Variants in PCDHA10 observed in about 807,000 individuals in gnomAD.
PCDHA10 encodes the protein protocadherin alpha 10, also known as protocadherin alpha-10.
PCDHA10 carries 45 observed loss-of-function variants against 61.2 expected under a neutral mutation model. The ratio of observed to expected loss-of-function variants is 0.74; its 90% CI spans 0.58 to 0.94. The LOEUF (loss-of-function observed/expected upper bound fraction) is 0.94. Ranked by LOEUF, PCDHA10 falls within the 40% of genes least tolerant of loss-of-function variation. The probability of loss-of-function intolerance (pLI) is 0.00; values close to 1 mark genes in which losing one functional copy is unlikely to be tolerated. For missense variants in PCDHA10, 1,278 were observed against 1,236.2 expected (o/e 1.03, Z -0.51); for synonymous variants, 602 against 548.8 (o/e 1.10, Z -1.35).
In PCDHA10 at chr5:141,010,436, G is replaced by C; in HGVS notation, c.*499G>C. 2 of 1,038,344 alleles carry C rather than the reference G, an allele frequency of 1.9e-6. No individual in the cohort carries two copies. Among genetic ancestry groups the C allele is most frequent in the Admixed American group, 5.8e-5 (2 of 34,296 alleles). The allele number at this position is 1,038,344 out of a possible 1,614,324, so 64.3% of individuals were successfully genotyped here. A position where few individuals can be genotyped will look rare whatever the true frequency, so the allele number is the denominator to read the frequency against. On this transcript the variant is annotated 3_prime_UTR_variant, in exon 4 of 4. Coordinates refer to ENST00000307360, the MANE Select transcript of PCDHA10 (RefSeq NM_018901.4). The stretch of plus-strand genomic sequence containing the variant: ...GGTACAAGGAAGGCAAGAAAACAAA[G>C]ACAAATAAACAGCGGAAGTTATCAG...
intron 1 of PCDHA10, among the ~76,000 whole-genome samples, chr5:140,888,383 C>T (rs1279773489): frequency 3.9e-5 from 6 of 152,170 alleles, no homozygotes; most frequent in African/African-American, 1.4e-4. Flanking sequence ...CTCTGAGATG[C>T]TGCTAAACAC....
intron 2 of PCDHA10, among the ~76,000 whole-genome samples, chr5:140,979,246 C>A (rs944063929): frequency 2.0e-5 from 3 of 152,206 alleles, no homozygotes; most frequent in African/African-American, 7.2e-5. Context: ...AAACAGGCTG[C>A]TATGTATTTT....
At chr5:140,885,930 A>AT (rs1188534786) in intron 1 of PCDHA10, among the ~76,000 whole-genome samples, 1 of 152,104 alleles carries the variant, frequency 6.6e-6, no homozygotes, top group African/African-American at 2.4e-5. Flanking sequence ...CTGTTTATCT[A>AT]TTTTTTGACA....
chr5:140,875,809 C>T, intron 1 of PCDHA10: 1 of 1,614,146 alleles, frequency 6.2e-7, no homozygotes, highest in Non-Finnish European at 8.5e-7. Flanking sequence ...CGTGGACAGG[C>T]CGCTGCAGGT....
chr5:140,946,387 T>C (rs1168775484), intron 1 of PCDHA10, among the ~76,000 whole-genome samples: 3 of 151,786 alleles, frequency 2.0e-5, no homozygotes, highest in African/African-American at 7.3e-5. Context: ...TTGGTAGGAA[T>C]GTAAATTAGT....
intron 1 of PCDHA10, chr5:140,859,483 G>C (rs1554152411): frequency 9.7e-6 from 2 of 206,816 alleles, no homozygotes; most frequent in African/African-American, 4.7e-5. Flanking sequence ...GTGTTTTCCT[G>C]AAATTGGTTG....
Position 141,005,701 on chromosome 5 carries a change from C to CAAA in PCDHA10, c.2537-3898_2537-3896dup, listed in dbSNP as rs59860837. ...TGGGCGACAGAGCGAAACTCCGTCTCAAAAAAAAAAAAAAAAAAAAAAAAA... is the reference window on the plus strand; with the variant it reads ...TGGGCGACAGAGCGAAACTCCGTCTCAAAAAAAAAAAAAAAAAAAAAAAAAAAA... On this transcript the variant is annotated intron_variant, in intron 3 of 3. Transcript: ENST00000307360. Among the ~76,000 whole-genome samples the CAAA allele has an allele frequency of 9.1e-3, 71 of 7,774 alleles. 6 individuals are homozygous for CAAA. Among genetic ancestry groups the CAAA allele is most frequent in the Non-Finnish European group, 0.012 (43 of 3,684 alleles). 5.1% of individuals were successfully genotyped at this position (7,774 alleles called of 152,430 possible).
At chr5:140,862,490 G>A (rs1554156448) in intron 1 of PCDHA10, 5 of 385,338 alleles carry the variant, frequency 1.3e-5, no homozygotes, top group Non-Finnish European at 2.1e-5. Context: ...GTTGGTAATC[G>A]CTCGGAATGG....
chr5:140,911,626 T>C (rs1436086231), intron 1 of PCDHA10, among the ~76,000 whole-genome samples: 5 of 152,180 alleles, frequency 3.3e-5, no homozygotes, highest in African/African-American at 1.2e-4. Context: ...TCCCCACATA[T>C]GGTCAAAGGT....
intron 1 of PCDHA10, chr5:140,860,705 T>C (rs1444620274): frequency 6.6e-6 from 1 of 152,242 alleles, no homozygotes; most frequent in Non-Finnish European, 1.5e-5. Context: ...ATATTGTTGT[T>C]CTCCATGAAA....
intron 1 of PCDHA10, chr5:140,927,497 T>A: frequency 6.2e-7 from 1 of 1,614,094 alleles, no homozygotes; most frequent in Non-Finnish European, 8.5e-7. Flanking sequence ...CACCTGCTGG[T>A]GCTTACAGCT....
intron 1 of PCDHA10, chr5:140,967,360 G>A: frequency 1.2e-6 from 2 of 1,607,656 alleles, no homozygotes; most frequent in South Asian, 1.1e-5. Context: ...TGGACCTTAA[G>A]CCCCTGCAGG....
At chr5:140,903,635 A>T (rs2070455281) in intron 1 of PCDHA10, among the ~76,000 whole-genome samples, 1 of 152,244 alleles carries the variant, frequency 6.6e-6, no homozygotes, top group Non-Finnish European at 1.5e-5. Context: ...ATGTATGCAT[A>T]TACCATATAC....
chr5:140,928,990 C>CT, intron 1 of PCDHA10: 2 of 1,613,884 alleles, frequency 1.2e-6, no homozygotes, highest in African/African-American at 1.3e-5. Context: ...GGGGTGCTTA[C>CT]TTTTCTTCGT....
intron 1 of PCDHA10, chr5:140,884,243 C>A: frequency 6.2e-7 from 1 of 1,613,466 alleles, no homozygotes; most frequent in Non-Finnish European, 8.5e-7. Flanking sequence ...TGAGCCCGCG[C>A]TGACGGCCAC....
chr5:140,941,809 TAG>T (rs1477400878), intron 1 of PCDHA10, among the ~76,000 whole-genome samples: 5 of 152,254 alleles, frequency 3.3e-5, no homozygotes, highest in Non-Finnish European at 5.9e-5. Context: ...TTGATTTCAG[TAG>T]GATGACTGCT....
chr5:140,966,962 G>A (rs370831122), intron 1 of PCDHA10: 1 of 1,602,750 alleles, frequency 6.2e-7, no homozygotes, highest in Non-Finnish European at 8.5e-7. Context: ...TCGCGCGCTG[G>A]GGCTTGAGCT....
intron 2 of PCDHA10, among the ~76,000 whole-genome samples, chr5:140,979,316 G>A (rs782153299): frequency 2.0e-5 from 3 of 151,950 alleles, no homozygotes; most frequent in Non-Finnish European, 4.4e-5. Context: ...CTCTACCTAT[G>A]CTTTCTTTTC....
rs782333249 is a variant in PCDHA10 at position 140,978,931 on chromosome 5, CTCTT to C, written c.2389-16_2389-13del. On this transcript the variant is annotated splice_polypyrimidine_tract_variant and intron_variant, in intron 1 of 3. Coordinates refer to ENST00000307360, the MANE Select transcript of PCDHA10 (RefSeq NM_018901.4). ...TGTCTTGTCATTTTAACAGAAAACTCTCTTTGTGATTTTGCAGCCACGACAGCCC... is the reference window on the plus strand; with the variant it reads ...TGTCTTGTCATTTTAACAGAAAACTCTGTGATTTTGCAGCCACGACAGCCC... 4.3e-6 allele frequency: 7 copies of C among 1,614,126 alleles called. No individual in the cohort carries two copies. The Admixed American group carries it at 6.7e-5, about 15-fold the overall frequency.
Sources: allele counts gnomAD v4.1 joint callset (sites outside exome capture counted in the v4.1 genomes callset), GRCh38; gene constraint gnomAD v4.1.1; transcripts MANE v1.5; gene names NCBI Gene and HGNC (gene_info 2026-07-23, HGNC 2026-07-21).